The following RAD51B variants were observed in gnomAD, a reference collection of about 807,000 sequenced individuals.
RAD51B encodes DNA repair protein RAD51 homolog 2.
A neutral mutation model predicts 42.2 loss-of-function variants in RAD51B; 38 were observed. The observed-to-expected ratio is 0.90, with a 90% CI of 0.70 to 1.18. The LOEUF is 1.18. RAD51B is among the 50% of genes most tolerant of loss of function. The pLI is 0.00. For missense variants in RAD51B, 373 were observed against 400.7 expected (o/e 0.93, Z 0.59); for synonymous variants, 154 against 145.2 (o/e 1.06, Z -0.43).
At chr14:68,587,804 C>T (rs1270300083) in intron 10 of RAD51B, among the ~76,000 whole-genome samples, 4 of 152,216 alleles carry the variant, frequency 2.6e-5, no homozygotes, top group African/African-American at 9.6e-5. Flanking sequence ...GGGTACATAG[C>T]ATAGCTGACT....
intron 7 of RAD51B, among the ~76,000 whole-genome samples, chr14:68,083,535 G>A (rs1424044173): frequency 4.6e-5 from 7 of 152,062 alleles, no homozygotes; most frequent in South Asian, 4.1e-4. Context: ...TGGTTTCTTA[G>A]CCTACTCTGA....
At chr14:68,060,117 C>T (rs947041379) in intron 7 of RAD51B, among the ~76,000 whole-genome samples, 22 of 152,034 alleles carry the variant, frequency 1.4e-4, no homozygotes, top group African/African-American at 4.6e-4. Context: ...TATAAAAACC[C>T]GAACCTTTTT....
intron 7 of RAD51B, among the ~76,000 whole-genome samples, chr14:68,232,831 G>C (rs913852784): frequency 3.3e-5 from 5 of 152,140 alleles, no homozygotes; most frequent in African/African-American, 1.2e-4. Flanking sequence ...CTCCCTTCCA[G>C]CTTTCAAATC....
intron 7 of RAD51B, among the ~76,000 whole-genome samples, chr14:68,128,996 C>CT (rs956481762): frequency 3.9e-5 from 6 of 152,210 alleles, no homozygotes; most frequent in Admixed American, 1.3e-4. Flanking sequence ...GTATCTTGCT[C>CT]TTTTTTGTCA....
At chr14:67,832,236 A>G (rs1280430542) in intron 3 of RAD51B, among the ~76,000 whole-genome samples, 5 of 152,188 alleles carry the variant, frequency 3.3e-5, no homozygotes, top group Admixed American at 2.6e-4. Context: ...TTAGCCTCCC[A>G]AAGTGCTGGG....
chr14:67,830,506 A>G (rs2040999823), intron 3 of RAD51B, among the ~76,000 whole-genome samples: 1 of 151,850 alleles, frequency 6.6e-6, no homozygotes, highest in South Asian at 2.1e-4. Flanking sequence ...GGTTCCAGCA[A>G]TTCTTGTGCC....
chr14:68,677,696 G>C (rs1893340151), intron 11 of RAD51B, among the ~76,000 whole-genome samples: 1 of 152,168 alleles, frequency 6.6e-6, no homozygotes, highest in Non-Finnish European at 1.5e-5. Context: ...TTTTGCCCAA[G>C]GGAAGACACC....
chr14:67,983,687 A>G (rs1289719356), intron 7 of RAD51B, among the ~76,000 whole-genome samples: 4 of 152,082 alleles, frequency 2.6e-5, no homozygotes, highest in Non-Finnish European at 5.9e-5. Context: ...CTAATAGTCT[A>G]GTTTTTGTTT....
chr14:68,198,366 G>A (rs2079416720), intron 7 of RAD51B, among the ~76,000 whole-genome samples: 1 of 152,158 alleles, frequency 6.6e-6, no homozygotes, highest in South Asian at 2.1e-4. Flanking sequence ...CTTAATATCA[G>A]GTAGTGCGAG....
chr14:68,327,340 C>A lies in RAD51B; in HGVS notation c.853+35360C>A, dbSNP rs565185065. On this transcript the variant is annotated intron_variant, in intron 8 of 10. Transcript: ENST00000471583. The stretch of plus-strand genomic sequence containing the variant: ...GTGTATAAATTTCCTCCAGAGCACA[C>A]AGAGAATAAAAATGCTATTCTTCAG... Among the ~76,000 whole-genome samples the A allele has an allele frequency of 7.3e-5, 11 of 150,238 alleles. No individual in the cohort carries two copies. In the South Asian group the frequency reaches 8.5e-4, roughly 12 times the overall value.
chr14:68,559,004 T>G (rs1288822703), intron 10 of RAD51B, among the ~76,000 whole-genome samples: 1 of 151,846 alleles, frequency 6.6e-6, no homozygotes, highest in Non-Finnish European at 1.5e-5. Context: ...TATATTTACA[T>G]GTATATATAT....
chr14:68,028,718 G>A (rs1035792430), intron 7 of RAD51B, among the ~76,000 whole-genome samples: 9 of 152,220 alleles, frequency 5.9e-5, no homozygotes, highest in African/African-American at 2.2e-4. Flanking sequence ...CTCTTGCAGT[G>A]GGGGGTCAGG....
Position 68,415,182 on chromosome 14 carries a change from A to C in RAD51B, c.957+3655A>C, listed in dbSNP as rs2084525472. Among the ~76,000 whole-genome samples the C allele has an allele frequency of 2.0e-5, 3 of 152,040 alleles. No homozygotes were observed. The South Asian group carries it at 6.2e-4, about 32-fold the overall frequency. On this transcript the variant is annotated intron_variant, in intron 9 of 10. Coordinates refer to ENST00000471583, the MANE Select transcript of RAD51B (RefSeq NM_133510.4). The stretch of plus-strand genomic sequence containing the variant: ...CCAGTAGAGCTGAGCATCAGTGTTT[A>C]TTTTATTTGTAAAGCTCCCCCATGT...
chr14:67,946,739 T>C (rs1413808670), intron 7 of RAD51B, among the ~76,000 whole-genome samples: 1 of 149,338 alleles, frequency 6.7e-6, no homozygotes, highest in Non-Finnish European at 1.5e-5. Flanking sequence ...ATTGTGCTTT[T>C]TTAAAACAAA....
At chr14:68,064,168 T>A (rs1233900163) in intron 7 of RAD51B, among the ~76,000 whole-genome samples, 1 of 152,232 alleles carries the variant, frequency 6.6e-6, no homozygotes, top group African/African-American at 2.4e-5. Context: ...CAGTGTTTGC[T>A]TTCTTAGGAA....
intron 8 of RAD51B, among the ~76,000 whole-genome samples, chr14:68,407,487 C>T (rs907098248): frequency 6.6e-6 from 1 of 152,130 alleles, no homozygotes; most frequent in African/African-American, 2.4e-5. Context: ...ATTGCTGTGA[C>T]ATCACTAGGT....
At chr14:68,508,010 TC>T (rs1442984202) in intron 10 of RAD51B, among the ~76,000 whole-genome samples, 16 of 152,110 alleles carry the variant, frequency 1.1e-4, no homozygotes, top group Admixed American at 9.8e-4. Context: ...CACTACACGC[TC>T]CCTGGGAAGC....
At chr14:68,604,211 C>T (rs1200038451) in intron 10 of RAD51B, among the ~76,000 whole-genome samples, 2 of 152,148 alleles carry the variant, frequency 1.3e-5, no homozygotes, top group African/African-American at 2.4e-5. Context: ...TGGGGTGAGC[C>T]CAGAACAGGG....
intron 10 of RAD51B, among the ~76,000 whole-genome samples, chr14:68,475,034 A>G (rs1882442169): frequency 6.6e-6 from 1 of 152,204 alleles, no homozygotes; most frequent in African/African-American, 2.4e-5. Flanking sequence ...AGAATGGTTC[A>G]GCATCATGCC....
Sources: gnomAD v4.1 joint callset for allele counts (sites outside exome capture counted in the v4.1 genomes callset) on GRCh38, gnomAD v4.1.1 for gene constraint, MANE v1.5 for transcripts, NCBI Gene and HGNC (gene_info 2026-07-23, HGNC 2026-07-21) for gene names.